The following AKAP9 variants were observed in gnomAD, a reference collection of about 807,000 sequenced individuals.
The protein encoded by AKAP9 is A-kinase anchor protein 9.
Under a neutral mutation model 488.5 loss-of-function variants are expected in AKAP9, and 311 were observed. The observed-to-expected ratio is 0.64, with a 90% CI of 0.58 to 0.70. AKAP9 has a LOEUF of 0.70. Ranked by LOEUF, AKAP9 falls within the 30% of genes least tolerant of loss-of-function variation. The pLI is 0.00. For synonymous variants in AKAP9, 1,462 were observed against 1,483.5 expected (o/e 0.99, Z 0.33); for missense variants, 4,215 against 4,374.5 (o/e 0.96, Z 1.03).
At chr7:91,951,651 C>T (rs1419151843) in intron 1 of AKAP9, among the ~76,000 whole-genome samples, 1 of 152,182 alleles carries the variant, frequency 6.6e-6, no homozygotes, top group African/African-American at 2.4e-5. Context: ...TCTCATGTAT[C>T]ATCATATTTT....
chr7:92,002,053 A>T lies in AKAP9; in HGVS notation c.2136A>T (p.Ser712=), dbSNP rs751841796. 6.2e-7 allele frequency: 1 copy of T among 1,603,164 alleles called. No individual in the cohort carries two copies. The highest frequency in any genetic ancestry group is 1.7e-4 in the Middle Eastern group (1 of 6,008). The change falls in exon 8 of 50, where the codon TCA becomes TCT. Residue 712 remains serine (S), a synonymous_variant. Coordinates refer to ENST00000356239, the MANE Select transcript of AKAP9 (RefSeq NM_005751.5). The stretch of plus-strand genomic sequence containing the variant: ...ATTTACAGCAGTCTCTTGTAAATTC[A>T]AAGTCAGAAGAAATGACTCTTCAAA... ...LKDLQQSLVN[S]KSEEMTLQIN... is the part of the protein sequence containing the mutation.
Position 92,097,214 on chromosome 7 carries a change from C to T in AKAP9, c.10255C>T (p.Leu3419=). ...QSKVEDLQRQ[L]EEKRQQVYKL... is the part of the protein sequence containing the mutation. ...CAAAGTGGAAGATCTTCAGCGCCAG[C>T]TGGAAGAGAAAAGACAACAAGTTTA... The change falls in exon 41 of 50, where the codon CTG becomes TTG. Residue 3419 remains leucine (L), a synonymous_variant. Coordinates refer to ENST00000356239, the MANE Select transcript of AKAP9 (RefSeq NM_005751.5). 6.2e-7 allele frequency: 1 copy of T among 1,612,578 alleles called. No homozygotes were observed. The highest frequency in any genetic ancestry group is 8.5e-7 in the Non-Finnish European group (1 of 1,179,636).
intron 1 of AKAP9, among the ~76,000 whole-genome samples, chr7:91,964,060 G>A (rs573807635): frequency 1.3e-5 from 2 of 152,086 alleles, no homozygotes; most frequent in African/African-American, 4.8e-5. Context: ...TTGCTTCTTA[G>A]AAAAATTAGA....
chr7:92,022,961 G>GTT lies in AKAP9; in HGVS notation c.4102_4103dup (p.Leu1368PhefsTer24). On this transcript the variant is annotated frameshift_variant, in exon 14 of 50. Transcript: ENST00000356239. LOFTEE classifies it high-confidence loss of function. ...CAAAACTATGAGGCAGAGATCCACT[G>GTT]TTTACAGAAGAGGCTTCAAGCTGTT... 6.2e-7 allele frequency: 1 copy of GTT among 1,614,054 alleles called. No homozygotes were observed. Among genetic ancestry groups the GTT allele is most frequent in the Non-Finnish European group, 8.5e-7 (1 of 1,179,932 alleles).
chr7:91,979,156 T>C (rs946737513), intron 2 of AKAP9, among the ~76,000 whole-genome samples: 1 of 151,908 alleles, frequency 6.6e-6, no homozygotes, highest in African/African-American at 2.4e-5. Context: ...TTGTGGAGAG[T>C]TGTATCATTC....
chr7:92,102,088 G>A (rs9691343), intron 45 of AKAP9, among the ~76,000 whole-genome samples: 52,694 of 151,312 alleles, frequency 0.35, 9,561 homozygotes, highest in Middle Eastern at 0.39. Flanking sequence ...TCTGGGAGAC[G>A]GAGGTTGCAG....
At position 92,079,810 on chromosome 7, in the gene AKAP9, C is replaced by T; in HGVS notation, c.7677C>T (p.Ile2559=). ...TGGCTGCTGCTCTTGTCAGTCAAAT[C>T]CAACTTGAGGCAGTTCAGGAATATG... is the stretch of plus-strand genomic sequence containing the variant. ...EKVAAALVSQ[I]QLEAVQEYAK... Residue 2559 remains isoleucine (I), a synonymous_variant, in exon 31 of 50, where the codon ATC becomes ATT. Transcript: ENST00000356239. The T allele has an allele frequency of 6.2e-7, 1 of 1,614,032 alleles. No individual in the cohort carries two copies. Among genetic ancestry groups the T allele is most frequent in the Non-Finnish European group, 8.5e-7 (1 of 1,179,976 alleles).
chr7:92,022,537 T>G (rs1377692718), intron 13 of AKAP9, among the ~76,000 whole-genome samples, 185 bp downstream of exon 13: 1 of 152,168 alleles, frequency 6.6e-6, no homozygotes, highest in African/African-American at 2.4e-5. Context: ...CTTTCCCCCT[T>G]CTTATGTTCT....
chr7:91,980,495 CTTTTTTTTT>C (rs60385804), intron 3 of AKAP9, among the ~76,000 whole-genome samples, 162 bp downstream of exon 3: 1 of 48,768 alleles, frequency 2.1e-5, no homozygotes, highest in Non-Finnish European at 3.3e-5. Flanking sequence ...GTATTACTGA[CTTTTTTTTT>C]TTTTTTTTTT....
chr7:91,946,284 G>A (rs17745541), intron 1 of AKAP9, among the ~76,000 whole-genome samples: 7,790 of 152,298 alleles, frequency 0.051, 272 homozygotes, highest in Non-Finnish European at 0.079. Context: ...CTTAGATGTG[G>A]CAGAGCTTAC....
At chr7:91,948,020 A>G (rs1791681505) in intron 1 of AKAP9, among the ~76,000 whole-genome samples, 1 of 152,214 alleles carries the variant, frequency 6.6e-6, no homozygotes, top group Non-Finnish European at 1.5e-5. Flanking sequence ...AGTTGTAGAT[A>G]TTTAATATGA....
Position 92,105,840 on chromosome 7 carries a change from A to G in AKAP9, c.11416+77A>G, listed in dbSNP as rs1045407731. ...GTCCCCCACCCCCAGACTATGGACC[A>G]TACTTGTCTGTGGCCTGTTAGGAAC... On this transcript the variant is annotated intron_variant, in intron 47 of 49. Coordinates refer to ENST00000356239, the MANE Select transcript of AKAP9 (RefSeq NM_005751.5). The G allele has an allele frequency of 2.3e-6, 3 of 1,313,728 alleles. No individual in the cohort carries two copies. In the Admixed American group the frequency reaches 5.1e-5, roughly 22 times the overall value. 81.4% of individuals were successfully genotyped at this position (1,313,728 alleles called of 1,614,324 possible).
chr7:92,083,491 A>G lies in AKAP9; in HGVS notation c.8482A>G (p.Ile2828Val), dbSNP rs1334624148. 1 of 1,612,296 alleles carries G rather than the reference A, an allele frequency of 6.2e-7. No homozygotes were observed. Among genetic ancestry groups the G allele is most frequent in the East Asian group, 2.2e-5 (1 of 44,850 alleles). Residue 2828 changes from isoleucine (I) to valine (V), a missense_variant, in exon 33 of 50, where the codon ATT becomes GTT. Coordinates refer to ENST00000356239, the MANE Select transcript of AKAP9 (RefSeq NM_005751.5). Reference sequence around the variant, plus strand: ...AATAATCAGTCAGTTTACTGAAAAAATTGAGAAGATGCAAGAACTACATGC... The same window carrying G: ...AATAATCAGTCAGTTTACTGAAAAAGTTGAGAAGATGCAAGAACTACATGC... The part of the protein sequence containing the change: ...TEIISQFTEK[I>V]EKMQELHAAE...
At chr7:91,974,332 A>AT (rs11382416) in intron 2 of AKAP9, among the ~76,000 whole-genome samples, 62,796 of 151,764 alleles carry the variant, frequency 0.41, 13,437 homozygotes, top group African/African-American at 0.51. Context: ...GTCCAACTTC[A>AT]TTTTTTTTGT....
At chr7:92,034,317 C>T (rs1272131542) in intron 16 of AKAP9, among the ~76,000 whole-genome samples, 1 of 151,882 alleles carries the variant, frequency 6.6e-6, no homozygotes, top group African/African-American at 2.4e-5. Flanking sequence ...TCAGTTTAAT[C>T]CTGCAACTCC....
intron 1 of AKAP9, among the ~76,000 whole-genome samples, chr7:91,969,010 C>T (rs146928842): frequency 6.6e-6 from 1 of 151,898 alleles, no homozygotes; most frequent in Admixed American, 6.6e-5. Context: ...TAGCTGGCAC[C>T]ACAGGCGTGG....
intron 14 of AKAP9, among the ~76,000 whole-genome samples, chr7:92,024,087 AC>A: frequency 6.6e-6 from 1 of 151,780 alleles, no homozygotes; most frequent in South Asian, 2.1e-4. Flanking sequence ...ATGTATGTAT[AC>A]ATTATGCACA....
At chr7:92,030,211 A>G (rs187927954) in intron 15 of AKAP9, among the ~76,000 whole-genome samples, 8 of 152,144 alleles carry the variant, frequency 5.3e-5, no homozygotes, top group Non-Finnish European at 1.0e-4. Flanking sequence ...TGGGGGTTAT[A>G]TTTCCCTTAA....
Position 92,110,203 on chromosome 7 carries a change from C to A in AKAP9, c.*44C>A. 1 of 1,474,852 alleles carries A rather than the reference C, an allele frequency of 6.8e-7. No individual in the cohort carries two copies. The highest frequency in any genetic ancestry group is 9.4e-7 in the Non-Finnish European group (1 of 1,062,960). The allele number at this position is 1,474,852 out of a possible 1,614,324, so 91.4% of individuals were successfully genotyped here. The stretch of plus-strand genomic sequence containing the variant: ...ATTGAAGTGATTTTAAATAGATTTC[C>A]TTTTGTAAATCAATGGTTCTTTTGT... On this transcript the variant is annotated 3_prime_UTR_variant, in exon 50 of 50. Transcript: ENST00000356239.
Sources: gnomAD v4.1 joint callset for allele counts (sites outside exome capture counted in the v4.1 genomes callset) on GRCh38, gnomAD v4.1.1 for gene constraint, MANE v1.5 for transcripts, NCBI Gene and HGNC (gene_info 2026-07-23, HGNC 2026-07-21) for gene names.